Variants in ADCY1 observed in about 807,000 individuals in gnomAD.
ADCY1 encodes the protein adenylate cyclase type 1.
A neutral mutation model predicts 105.4 loss-of-function variants in ADCY1; 28 were observed. The ratio of observed to expected loss-of-function variants is 0.27; its 90% CI spans 0.20 to 0.36. ADCY1 has a LOEUF of 0.36. ADCY1 is among the 10% of genes least tolerant of loss of function. ADCY1 has a pLI of 1.00. For synonymous variants in ADCY1, 655 were observed against 623.8 expected (o/e 1.05, Z -0.75); for missense variants, 977 against 1,434.2 (o/e 0.68, Z 5.15).
chr7:45,599,445 C>T (rs1399962524), intron 2 of ADCY1, among the ~76,000 whole-genome samples: 1 of 150,722 alleles, frequency 6.6e-6, no homozygotes, highest in African/African-American at 2.4e-5. Flanking sequence ...GTGGCTTGTG[C>T]GTCACAGTTT....
chr7:45,610,263 TG>T, intron 2 of ADCY1, 115 bp from the exon 3 acceptor site: 1 of 853,194 alleles, frequency 1.2e-6, no homozygotes, highest in South Asian at 1.6e-5. Context: ...AGTCCAGCCC[TG>T]GACGTGGGCC....
At chr7:45,610,881 A>AACGTGATGGTGGAGGTGGGG (rs1793553024) in intron 3 of ADCY1, among the ~76,000 whole-genome samples, 1 of 13,532 alleles carries the variant, frequency 7.4e-5, no homozygotes, top group Non-Finnish European at 1.5e-4. Flanking sequence ...TGGAGGTGGG[A>AACGTGATGGTGGAGGTGGGG]AGGTGATGGT....
At chr7:45,587,675 G>T (rs1280499862) in intron 1 of ADCY1, among the ~76,000 whole-genome samples, 2 of 152,224 alleles carry the variant, frequency 1.3e-5, no homozygotes, top group Admixed American at 1.3e-4. Context: ...CTCCTCCAGG[G>T]TGCTAGTCTA....
chr7:45,589,448 G>A (rs1159751083), intron 1 of ADCY1, among the ~76,000 whole-genome samples: 2 of 152,236 alleles, frequency 1.3e-5, no homozygotes, highest in Non-Finnish European at 1.5e-5. Flanking sequence ...ACCCGAGCCT[G>A]CCTTTCTTGT....
At chr7:45,637,385 C>T (rs994134936) in intron 4 of ADCY1, among the ~76,000 whole-genome samples, 2 of 152,194 alleles carry the variant, frequency 1.3e-5, no homozygotes, top group Admixed American at 6.5e-5. Flanking sequence ...CTTTGCTTTT[C>T]ATTCATTTAT....
chr7:45,705,664 C>T lies in ADCY1; in HGVS notation c.2817+1048C>T, dbSNP rs191697474. On this transcript the variant is annotated intron_variant, in intron 17 of 19. Transcript: ENST00000297323. ...ATGCTCTCTAAGATGAGAAGCATGG[C>T]GAGAATATCCTCTCTCACCATTTCT... Among the ~76,000 whole-genome samples, 12 of 152,194 alleles carry T rather than the reference C, an allele frequency of 7.9e-5. No individual in the cohort carries two copies. In the East Asian group the frequency reaches 9.6e-4, roughly 12 times the overall value.
chr7:45,599,350 C>A (rs887242965), intron 2 of ADCY1, among the ~76,000 whole-genome samples: 4 of 151,730 alleles, frequency 2.6e-5, no homozygotes, highest in African/African-American at 9.7e-5. Flanking sequence ...CTGTGGCTGG[C>A]ACAGCCCACT....
chr7:45,701,912 C>A (rs986981907), intron 14 of ADCY1, among the ~76,000 whole-genome samples: 4 of 152,320 alleles, frequency 2.6e-5, no homozygotes, highest in Middle Eastern at 3.4e-3. Context: ...TTGTCCTCAT[C>A]TGCTTCTGGT....
chr7:45,600,858 G>A (rs1165733549), intron 2 of ADCY1, among the ~76,000 whole-genome samples: 2 of 152,122 alleles, frequency 1.3e-5, no homozygotes, highest in African/African-American at 4.8e-5. Context: ...AGGAGGAGAA[G>A]AGGAATGCAG....
chr7:45,684,919 G>A, intron 11 of ADCY1, 60 bp from the exon 12 acceptor site: 1 of 1,460,418 alleles, frequency 6.8e-7, no homozygotes, highest in Non-Finnish European at 9.6e-7. Flanking sequence ...AGTATTAACT[G>A]TGCACGTGAA....
At position 45,710,783 on chromosome 7, in the gene ADCY1, C is replaced by T. The variant is rs935971164; in HGVS notation, c.3057+131C>T. 1.6e-5 allele frequency: 21 copies of T among 1,285,794 alleles called. 1 individual carries two copies. The highest frequency in any genetic ancestry group is 1.5e-4 in the South Asian group (9 of 61,756). 79.6% of individuals were successfully genotyped at this position (1,285,794 alleles called of 1,614,324 possible). ...GCAGGGCAGAAAGAGCTGCATATTT[C>T]GGTCTGTCTGCTCTGGAGGGCATCC... On this transcript the variant is annotated intron_variant, in intron 19 of 19. Transcript: ENST00000297323. This position sits in a 1 kb window ranked among gnomAD's most constrained non-coding sequence, Gnocchi z 4.7.
intron 4 of ADCY1, among the ~76,000 whole-genome samples, chr7:45,624,557 C>G (rs893323345): frequency 2.0e-5 from 3 of 152,150 alleles, no homozygotes; most frequent in Non-Finnish European, 2.9e-5. Flanking sequence ...TTATTCCCCA[C>G]AGGAATTTTT....
At chr7:45,680,807 G>A (rs1784541537) in intron 11 of ADCY1, among the ~76,000 whole-genome samples, 1 of 152,224 alleles carries the variant, frequency 6.6e-6, no homozygotes, top group African/African-American at 2.4e-5. Context: ...TTAGTCCTCA[G>A]TGGTGGGAAC....
At position 45,575,155 on chromosome 7, in the gene ADCY1, C is replaced by T. The variant is rs1792296501; in HGVS notation, c.612C>T (p.Pro204=). The T allele has an allele frequency of 1.9e-6, 3 of 1,607,544 alleles. 1 individual carries two copies. Among genetic ancestry groups the T allele is most frequent in the Non-Finnish European group, 2.5e-6 (3 of 1,177,334 alleles). ...TGCTGGTCACAGCCACCTTGGTCCCCGCCAAGCGCCCACGTCTCTGGAGGA... is the reference window on the plus strand; with the variant it reads ...TGCTGGTCACAGCCACCTTGGTCCCTGCCAAGCGCCCACGTCTCTGGAGGA... ...SHLLVTATLV[P]AKRPRLWRTL... is the part of the protein sequence containing the mutation. The change falls in exon 1 of 20, where the codon CCC becomes CCT. Residue 204 remains proline (P), a synonymous_variant. Coordinates refer to ENST00000297323, the MANE Select transcript of ADCY1 (RefSeq NM_021116.4). This position sits in a 1 kb window ranked among gnomAD's most constrained non-coding sequence, Gnocchi z 4.7.
intron 4 of ADCY1, among the ~76,000 whole-genome samples, chr7:45,625,319 A>T (rs1441041762): frequency 1.3e-5 from 2 of 152,186 alleles, no homozygotes; most frequent in African/African-American, 4.8e-5. Flanking sequence ...CATGCCTGGG[A>T]TGCTGGCTTA....
intron 3 of ADCY1, among the ~76,000 whole-genome samples, chr7:45,619,871 T>C (rs908154560): frequency 1.3e-5 from 2 of 152,202 alleles, no homozygotes; most frequent in African/African-American, 4.8e-5. Flanking sequence ...CACATACACG[T>C]AGCTATGCAG....
chr7:45,610,538 A>C, intron 3 of ADCY1, 41 bp downstream of exon 3: 1 of 1,555,642 alleles, frequency 6.4e-7, no homozygotes, highest in Non-Finnish European at 8.9e-7. Context: ...GAGCCTGGGA[A>C]GCTGAGGTGT....
At chr7:45,705,805 C>T (rs1000970418) in intron 17 of ADCY1, among the ~76,000 whole-genome samples, 6 of 152,090 alleles carry the variant, frequency 3.9e-5, no homozygotes, top group African/African-American at 1.2e-4. Flanking sequence ...GAAGAATTAA[C>T]AACAGCAATA....
intron 4 of ADCY1, among the ~76,000 whole-genome samples, chr7:45,624,377 T>C (rs1366486722): frequency 6.6e-6 from 1 of 152,024 alleles, no homozygotes; most frequent in African/African-American, 2.4e-5. Context: ...ATGGGGGATT[T>C]TGGACGCTAC....
Sources: allele counts gnomAD v4.1 joint callset (sites outside exome capture counted in the v4.1 genomes callset), GRCh38; gene constraint gnomAD v4.1.1; non-coding constraint Gnocchi (gnomAD v3.1); transcripts MANE v1.5; gene names NCBI Gene and HGNC (gene_info 2026-07-23, HGNC 2026-07-21).